Variants in FBXO4 observed in about 807,000 individuals in gnomAD.
The protein encoded by FBXO4 is F-box only protein 4.
Under a neutral mutation model 43.7 loss-of-function variants are expected in FBXO4, and 36 were observed. The observed-to-expected ratio is 0.82, with a 90% confidence interval of 0.63 to 1.09. The LOEUF (loss-of-function observed/expected upper bound fraction) is 1.09. Ranked by LOEUF, FBXO4 falls within the 50% of genes least tolerant of loss-of-function variation. FBXO4 has a pLI of 0.00. For synonymous variants in FBXO4, 180 were observed against 165.6 expected (o/e 1.09, Z -0.67); for missense variants, 435 against 474.1 (o/e 0.92, Z 0.77).
the FBXO4 span, among the ~76,000 whole-genome samples, chr5:42,010,131 T>C: frequency 6.6e-6 from 1 of 152,332 alleles, no homozygotes. Flanking sequence ...ATACAGTATT[T>C]GTTCTTTTTT....
the FBXO4 span, among the ~76,000 whole-genome samples, chr5:42,029,314 G>A: frequency 0.016 from 2,440 of 152,066 alleles, 120 homozygotes; most frequent in East Asian, 0.1. Flanking sequence ...GCTGCCAGAC[G>A]TATTGCAGCT....
chr5:41,933,170 A>G (rs1167564125), intron 3 of FBXO4, among the ~76,000 whole-genome samples: 1 of 152,190 alleles, frequency 6.6e-6, no homozygotes, highest in Non-Finnish European at 1.5e-5. Context: ...AAATTTCAGT[A>G]TCTTCAGTAT....
the FBXO4 span, among the ~76,000 whole-genome samples, chr5:41,950,351 C>T: frequency 6.6e-6 from 1 of 152,014 alleles, no homozygotes; most frequent in African/African-American, 2.4e-5. Flanking sequence ...CTACAAAGAC[C>T]TTAGACAAAT....
Position 41,929,763 on chromosome 5 carries a change from C to T in FBXO4, c.492C>T (p.Val164=). ...CCAGCCGTCCTATGTATGGAGCTGT[C>T]ACTTCTTTTTTACACTCCCTGATCA... ...SKSSRPMYGA[V]TSFLHSLIIQ... The change falls in exon 3 of 7, where the codon GTC becomes GTT. Residue 164 remains valine, a synonymous_variant. Coordinates refer to ENST00000281623, the MANE Select transcript of FBXO4 (RefSeq NM_012176.3). 2 of 1,614,112 alleles carry T rather than the reference C, an allele frequency of 1.2e-6. No individual in the cohort carries two copies. Among genetic ancestry groups the T allele is most frequent in the Non-Finnish European group, 1.7e-6 (2 of 1,180,008 alleles).
chr5:42,036,958 A>G, the FBXO4 span, among the ~76,000 whole-genome samples: 19 of 152,062 alleles, frequency 1.2e-4, no homozygotes, highest in Admixed American at 1.1e-3. Context: ...CCCATTCCTC[A>G]GTCATCAGTT....
the FBXO4 span, among the ~76,000 whole-genome samples, chr5:41,993,265 C>CT: frequency 6.6e-6 from 1 of 151,994 alleles, no homozygotes; most frequent in African/African-American, 2.4e-5. Context: ...TTTTTATTCC[C>CT]TTTTTATATT....
chr5:41,934,949 T>C (rs973930965), intron 5 of FBXO4: 6 of 969,052 alleles, frequency 6.2e-6, no homozygotes, highest in Non-Finnish European at 6.1e-6. Flanking sequence ...ATATTGTATA[T>C]ATATTATAGT....
chr5:41,926,760 CAG>C (rs1223759641), intron 1 of FBXO4, among the ~76,000 whole-genome samples: 1 of 152,094 alleles, frequency 6.6e-6, no homozygotes, highest in Non-Finnish European at 1.5e-5. Flanking sequence ...AATAGCAAGA[CAG>C]TGGTTGCTTT....
chr5:42,026,658 T>G, the FBXO4 span, among the ~76,000 whole-genome samples: 1 of 151,870 alleles, frequency 6.6e-6, no homozygotes, highest in Non-Finnish European at 1.5e-5. Context: ...ATGAAAGGAT[T>G]TCCGTTTTTC....
chr5:42,036,347 A>T, the FBXO4 span, among the ~76,000 whole-genome samples: 1 of 152,122 alleles, frequency 6.6e-6, no homozygotes, highest in Non-Finnish European at 1.5e-5. Context: ...AAGAAAAAAA[A>T]TGGCTTACAT....
chr5:41,980,428 C>G, the FBXO4 span, among the ~76,000 whole-genome samples: 1 of 152,140 alleles, frequency 6.6e-6, no homozygotes. Context: ...TCATTCCTTA[C>G]TCCGTTTTCT....
the FBXO4 span, among the ~76,000 whole-genome samples, chr5:42,026,745 G>A: frequency 6.6e-6 from 1 of 151,232 alleles, no homozygotes; most frequent in Non-Finnish European, 1.5e-5. Context: ...TCTACACCCA[G>A]TTTTTTATAA....
the FBXO4 span, among the ~76,000 whole-genome samples, chr5:42,034,401 C>T: frequency 6.4e-4 from 98 of 152,264 alleles, no homozygotes; most frequent in African/African-American, 2.3e-3. Flanking sequence ...GCTTTTGTTG[C>T]AATTGCTTTT....
the FBXO4 span, among the ~76,000 whole-genome samples, chr5:42,037,405 A>G: frequency 1.3e-5 from 2 of 152,052 alleles, no homozygotes; most frequent in Non-Finnish European, 2.9e-5. Flanking sequence ...ACACTGCCAA[A>G]TTAGAGGAAC....
chr5:41,993,053 A>G, the FBXO4 span, among the ~76,000 whole-genome samples: 2 of 152,156 alleles, frequency 1.3e-5, no homozygotes, highest in East Asian at 3.8e-4. Flanking sequence ...CATATTGTAA[A>G]CCCTTTTTAA....
chr5:41,929,768 C>A lies in FBXO4; in HGVS notation c.497C>A (p.Ser166Tyr), dbSNP rs201955015. The change falls in exon 3 of 7, where the codon TCT becomes TAT. Residue 166 changes from serine to tyrosine, a missense_variant. By Grantham distance (144) the Ser-to-Tyr change is moderately radical. Coordinates refer to ENST00000281623, the MANE Select transcript of FBXO4 (RefSeq NM_012176.3). ...CGTCCTATGTATGGAGCTGTCACTT[C>A]TTTTTTACACTCCCTGATCATTCAG... ...SSRPMYGAVT[S>Y]FLHSLIIQNE... The A allele has an allele frequency of 1.9e-5, 31 of 1,614,110 alleles. No homozygotes were observed. In the South Asian group the frequency reaches 3.2e-4, roughly 17 times the overall value.
the FBXO4 span, among the ~76,000 whole-genome samples, chr5:41,996,867 C>A: frequency 6.6e-6 from 1 of 152,196 alleles, no homozygotes; most frequent in African/African-American, 2.4e-5. Flanking sequence ...TATTTCCCAT[C>A]CTCTGGCACA....
chr5:41,975,209 T>C, the FBXO4 span, among the ~76,000 whole-genome samples: 1 of 152,260 alleles, frequency 6.6e-6, no homozygotes. Context: ...TCTAGCTGAA[T>C]TATTCTTACT....
the FBXO4 span, among the ~76,000 whole-genome samples, chr5:41,973,458 C>A: frequency 4.6e-4 from 70 of 152,290 alleles, 2 homozygotes; most frequent in South Asian, 0.011. Context: ...GAGAGGATTG[C>A]TTGAGCCCAG....
Sources: gnomAD v4.1 joint callset for allele counts (sites outside exome capture counted in the v4.1 genomes callset) on GRCh38, gnomAD v4.1.1 for gene constraint, MANE v1.5 for transcripts, NCBI Gene and HGNC (gene_info 2026-07-23, HGNC 2026-07-21) for gene names.